The following RAI1 variants were observed in gnomAD, a reference collection of about 807,000 sequenced individuals.
RAI1 encodes retinoic acid induced 1, also known as retinoic acid-induced protein 1.
RAI1 carries 9 observed loss-of-function variants against 123.8 expected under a neutral mutation model. The observed-to-expected ratio is 0.07, with a 90% CI of 0.04 to 0.13. The LOEUF is 0.13. RAI1 is among the 10% of genes least tolerant of loss of function. The probability of loss-of-function intolerance (pLI) is 1.00; values close to 1 mark genes in which losing one functional copy is unlikely to be tolerated. For synonymous variants in RAI1, 1,231 were observed against 1,127.3 expected (o/e 1.09, Z -1.84); for missense variants, 2,256 against 2,545.8 (o/e 0.89, Z 2.45).
intron 2 of RAI1, among the ~76,000 whole-genome samples, chr17:17,743,955 G>A (rs1005947525): frequency 6.6e-6 from 1 of 152,242 alleles, no homozygotes; most frequent in Non-Finnish European, 1.5e-5. Context: ...AAAAGGGAAT[G>A]GAGGGGAGAC....
intron 1 of RAI1, among the ~76,000 whole-genome samples, chr17:17,717,989 T>C (rs1915764171): frequency 1.3e-5 from 2 of 152,218 alleles, no homozygotes; most frequent in African/African-American, 4.8e-5. Flanking sequence ...GACACACAGA[T>C]GACAGGGAAA....
chr17:17,768,017 T>C (rs2031007148), intron 2 of RAI1, among the ~76,000 whole-genome samples: 2 of 152,222 alleles, frequency 1.3e-5, no homozygotes, highest in South Asian at 4.1e-4. Context: ...TGATGGTTCA[T>C]TGGCTTAATG....
chr17:17,766,847 G>A (rs1197468341), intron 2 of RAI1, among the ~76,000 whole-genome samples: 3 of 152,240 alleles, frequency 2.0e-5, no homozygotes, highest in Non-Finnish European at 4.4e-5. Context: ...AGCACTGCGG[G>A]TGCTGGAGAT....
At position 17,798,209 on chromosome 17, in the gene RAI1, C is replaced by G; in HGVS notation, c.5261C>G (p.Pro1754Arg). 1 of 1,612,560 alleles carries G rather than the reference C, an allele frequency of 6.2e-7. No homozygotes were observed. Among genetic ancestry groups the G allele is most frequent in the Non-Finnish European group, 8.5e-7 (1 of 1,179,748 alleles). The part of the protein sequence containing the change: ...ECAAAATAGK[P>R]PRPDGPADPA... ...GCAGCTGCCGCCACTGCCGGGAAGCCCCCCAGGCCTGACGGCCCAGCTGAC... is the reference window on the plus strand; with the variant it reads ...GCAGCTGCCGCCACTGCCGGGAAGCGCCCCAGGCCTGACGGCCCAGCTGAC... Residue 1754 changes from proline (P) to arginine (R), a missense_variant, in exon 3 of 6, where the codon CCC becomes CGC. Pro to Arg is a moderately radical substitution (Grantham distance 103). This residue lies in a region of RAI1 where 243 missense variants were observed against 316.6 expected (regional missense o/e 0.77). Coordinates refer to ENST00000353383, the MANE Select transcript of RAI1 (RefSeq NM_030665.4).
intron 2 of RAI1, among the ~76,000 whole-genome samples, chr17:17,748,519 A>G (rs2030016761): frequency 6.6e-6 from 1 of 152,222 alleles, no homozygotes; most frequent in Non-Finnish European, 1.5e-5. Flanking sequence ...AATTTGTACC[A>G]ACAACCCTGT....
At chr17:17,715,977 C>T (rs966044047) in intron 1 of RAI1, among the ~76,000 whole-genome samples, 1 of 152,218 alleles carries the variant, frequency 6.6e-6, no homozygotes, top group Admixed American at 6.5e-5. Context: ...AGATGACAAA[C>T]TATGGCGGGG....
At chr17:17,761,311 C>G (rs2142992364) in intron 2 of RAI1, among the ~76,000 whole-genome samples, 1 of 150,878 alleles carries the variant, frequency 6.6e-6, no homozygotes, top group African/African-American at 2.4e-5. Context: ...TCACTGGTCT[C>G]TTAGGTTCCT....
At position 17,798,009 on chromosome 17, in the gene RAI1, C is replaced by T; in HGVS notation, c.5061C>T (p.Cys1687=). ...SKALSTSCLV[C]CLCQNPANFK... ...CCCTGAGTACCTCTTGCCTTGTTTG[C>T]TGCCTCTGCCAAAACCCGGCCAACT... The change falls in exon 3 of 6, where the codon TGC becomes TGT. Residue 1687 remains cysteine, a synonymous_variant. Transcript: ENST00000353383. 1 of 1,614,138 alleles carries T rather than the reference C, an allele frequency of 6.2e-7. No homozygotes were observed.
At chr17:17,730,915 A>G (rs1263666822) in intron 2 of RAI1, among the ~76,000 whole-genome samples, 1 of 152,216 alleles carries the variant, frequency 6.6e-6, no homozygotes, top group Non-Finnish European at 1.5e-5. Flanking sequence ...CAGGGGCCTT[A>G]CTTCGGGCCC....
intron 1 of RAI1, among the ~76,000 whole-genome samples, chr17:17,690,896 T>TTTC (rs1914815074): frequency 6.6e-6 from 1 of 152,202 alleles, no homozygotes; most frequent in South Asian, 2.1e-4. Flanking sequence ...CAGAGCTGGC[T>TTTC]TTCAGTCTGG....
intron 2 of RAI1, among the ~76,000 whole-genome samples, chr17:17,769,967 G>A (rs1165321673): frequency 2.0e-5 from 3 of 152,212 alleles, no homozygotes; most frequent in Non-Finnish European, 4.4e-5. Flanking sequence ...GAGGAGCAGC[G>A]ACACGGGAGG....
intron 2 of RAI1, among the ~76,000 whole-genome samples, chr17:17,788,341 C>A (rs570945034): frequency 6.6e-6 from 1 of 152,296 alleles, no homozygotes; most frequent in African/African-American, 2.4e-5. Context: ...TGGAAACTCG[C>A]CCCCTTCCTC....
intron 2 of RAI1, among the ~76,000 whole-genome samples, chr17:17,745,639 C>G (rs2029887046): frequency 1.3e-5 from 2 of 152,182 alleles, no homozygotes; most frequent in Admixed American, 1.3e-4. Context: ...CTCAGGTGAT[C>G]CACCCGCCTT....
chr17:17,787,099 T>C (rs1040475812), intron 2 of RAI1, among the ~76,000 whole-genome samples: 13 of 152,176 alleles, frequency 8.5e-5, no homozygotes, highest in African/African-American at 3.1e-4. Flanking sequence ...ATCTCATCCT[T>C]ATCATGCAGC....
chr17:17,687,268 C>T (rs1914673692), intron 1 of RAI1, among the ~76,000 whole-genome samples: 1 of 152,020 alleles, frequency 6.6e-6, no homozygotes, highest in African/African-American at 2.4e-5. Context: ...GGCAGGGAAG[C>T]CATGTGTTAG....
Position 17,688,025 on chromosome 17 carries a change from C to CAAA in RAI1, c.-149+6251_-149+6253dup, listed in dbSNP as rs61049701. ...AGCCTGGGTGAAGGAGACTCTGTCT[C>CAAA]AAAAAAAAAAAAAAAAAAAAAGTGA... On this transcript the variant is annotated intron_variant, in intron 1 of 5. Transcript: ENST00000353383. Among the ~76,000 whole-genome samples, 75 of 90,032 alleles carry CAAA rather than the reference C, an allele frequency of 8.3e-4. 5 individuals are homozygous for CAAA. The highest frequency in any genetic ancestry group is 4.6e-3 in the East Asian group (16 of 3,460). The allele number at this position is 90,032 out of a possible 152,430, so 59.1% of individuals were successfully genotyped here.
At chr17:17,736,509 G>A (rs1916440957) in intron 2 of RAI1, among the ~76,000 whole-genome samples, 3 of 152,262 alleles carry the variant, frequency 2.0e-5, no homozygotes, top group East Asian at 1.9e-4. Context: ...GTAGAAGGAA[G>A]TGGGTCTTTG....
At chr17:17,776,655 TCAC>T (rs1411096989) in intron 2 of RAI1, 6 of 131,494 alleles carry the variant, frequency 4.6e-5, no homozygotes, top group African/African-American at 1.4e-4. Flanking sequence ...CGTGCCTGGC[TCAC>T]TTTTTTTTTT....
chr17:17,755,424 G>T (rs2030398975), intron 2 of RAI1, among the ~76,000 whole-genome samples: 1 of 152,194 alleles, frequency 6.6e-6, no homozygotes, highest in African/African-American at 2.4e-5. Context: ...GGGTGAGTTG[G>T]CATTCCCTGT....
Sources: allele counts gnomAD v4.1 joint callset (sites outside exome capture counted in the v4.1 genomes callset), GRCh38; gene constraint gnomAD v4.1.1; regional missense constraint gnomAD v4.1.1; transcripts MANE v1.5; gene names NCBI Gene and HGNC (gene_info 2026-07-23, HGNC 2026-07-21).